FRMD4A: variants seen among roughly 807,000 people sequenced by gnomAD.
The protein encoded by FRMD4A is FERM domain-containing protein 4A.
Under a neutral mutation model 129.1 loss-of-function variants are expected in FRMD4A, and 29 were observed. The ratio of observed to expected loss-of-function variants is 0.22; its 90% CI spans 0.17 to 0.31. The LOEUF is 0.31. FRMD4A is among the 10% of genes least tolerant of loss of function. The pLI is 1.00. For synonymous variants in FRMD4A, 634 were observed against 571.6 expected, an observed-to-expected ratio of 1.11 and a Z score of -1.56; for missense variants, 1,272 against 1,375.8, an observed-to-expected ratio of 0.92 and a Z score of 1.19.
intron 2 of FRMD4A, among the ~76,000 whole-genome samples, chr10:13,941,595 G>A (rs971178030): frequency 2.6e-5 from 4 of 152,204 alleles, no homozygotes; most frequent in African/African-American, 9.6e-5. Context: ...GTTAACTAGA[G>A]GAGCTTTGGT....
At chr10:14,074,108 CA>C (rs199821505) in intron 2 of FRMD4A, among the ~76,000 whole-genome samples, 1 of 152,136 alleles carries the variant, frequency 6.6e-6, no homozygotes, top group Non-Finnish European at 1.5e-5. Flanking sequence ...AAGATAGTCT[CA>C]AAAAAAATTT....
At chr10:13,915,628 C>T (rs1053403889) in intron 2 of FRMD4A, among the ~76,000 whole-genome samples, 8 of 150,220 alleles carry the variant, frequency 5.3e-5, no homozygotes, top group African/African-American at 1.5e-4. Context: ...GCCGAGATCA[C>T]GCCACTGCAC....
At chr10:14,276,511 G>T (rs1845346601) in intron 2 of FRMD4A, among the ~76,000 whole-genome samples, 1 of 152,216 alleles carries the variant, frequency 6.6e-6, no homozygotes, top group South Asian at 2.1e-4. Context: ...CCCCAGTCAT[G>T]TGGCCTTTTG....
intron 2 of FRMD4A, among the ~76,000 whole-genome samples, chr10:14,240,625 A>G (rs771844990): frequency 1.3e-5 from 2 of 152,132 alleles, no homozygotes; most frequent in African/African-American, 2.4e-5. Context: ...CTTCCCTTGT[A>G]CCTGCATAAC....
intron 2 of FRMD4A, among the ~76,000 whole-genome samples, chr10:13,995,783 T>C (rs1220562484): frequency 6.6e-6 from 1 of 151,870 alleles, no homozygotes; most frequent in Non-Finnish European, 1.5e-5. Flanking sequence ...GTTGTTGATT[T>C]CAAATCGACA....
rs3032918 is a variant in FRMD4A, at chr10:13,881,252, T to TAAA, written c.46-22343_46-22341dup. Among the ~76,000 whole-genome samples, 608 of 120,290 alleles carry TAAA rather than the reference T, an allele frequency of 5.1e-3. 2 individuals carry two copies. Among genetic ancestry groups the TAAA allele is most frequent in the African/African-American group, 0.018 (562 of 31,484 alleles). 78.9% of individuals were successfully genotyped at this position (120,290 alleles called of 152,430 possible). On this transcript the variant is annotated intron_variant, in intron 2 of 24. Transcript: ENST00000357447. ...GGCAATCTAGTGAGACCCCCATCTCTAAAAAAAAAAAAAAAAAAAAATTAG... is the reference window on the plus strand; with the variant it reads ...GGCAATCTAGTGAGACCCCCATCTCTAAAAAAAAAAAAAAAAAAAAAAAATTAG...
Position 14,287,944 on chromosome 10 carries a change from C to T in FRMD4A, c.45+42114G>A, listed in dbSNP as rs145798959. 2.4e-4 allele frequency among the ~76,000 whole-genome samples: 37 copies of T among 152,128 alleles called. No individual in the cohort carries two copies. In the East Asian group the frequency reaches 6.6e-3, roughly 27 times the overall value. ...TCCAAAAATCTCAAAGTGGCTTACA[C>T]GCTAACCATATGAATTCTTCCTAGA... On this transcript the variant is annotated intron_variant, in intron 2 of 24. Transcript: ENST00000357447.
At chr10:14,247,759 A>T (rs1308324390) in intron 2 of FRMD4A, among the ~76,000 whole-genome samples, 1 of 152,186 alleles carries the variant, frequency 6.6e-6, no homozygotes, top group Non-Finnish European at 1.5e-5. Context: ...TGATTGTTGG[A>T]AGTCTCAGCC....
intron 2 of FRMD4A, among the ~76,000 whole-genome samples, chr10:13,939,849 C>T (rs141685279): frequency 3.3e-3 from 509 of 152,324 alleles, no homozygotes; most frequent in Admixed American, 5.6e-3. Context: ...TTTCCCATCT[C>T]ATCACCTTAG....
chr10:14,127,997 T>TTC (rs1488281896), intron 2 of FRMD4A, among the ~76,000 whole-genome samples: 10 of 118,798 alleles, frequency 8.4e-5, no homozygotes, highest in African/African-American at 3.9e-4. Context: ...TCTCTCTCTC[T>TTC]CTCTTTCTTT....
chr10:14,058,625 T>C (rs1834657485), intron 2 of FRMD4A, among the ~76,000 whole-genome samples: 1 of 152,160 alleles, frequency 6.6e-6, no homozygotes. Flanking sequence ...AGGCACAGAT[T>C]GGATTCTCAA....
At chr10:13,908,843 A>T (rs753625018) in intron 2 of FRMD4A, among the ~76,000 whole-genome samples, 4 of 152,248 alleles carry the variant, frequency 2.6e-5, no homozygotes, top group Non-Finnish European at 5.9e-5. Context: ...GTTCATGTGT[A>T]GTATAAGTAT....
intron 2 of FRMD4A, among the ~76,000 whole-genome samples, chr10:14,085,887 C>T (rs141464578): frequency 1.5e-4 from 23 of 152,242 alleles, no homozygotes; most frequent in Non-Finnish European, 3.2e-4. Flanking sequence ...TTCTGGACTG[C>T]GGCAGGCATA....
At chr10:13,666,962 A>C (rs1438789504) in intron 17 of FRMD4A, among the ~76,000 whole-genome samples, 1 of 135,382 alleles carries the variant, frequency 7.4e-6, no homozygotes, top group Non-Finnish European at 1.5e-5. Context: ...CCCAGGCTGG[A>C]GTGCACTGGT....
At chr10:13,830,377 G>A (rs915827475) in intron 3 of FRMD4A, among the ~76,000 whole-genome samples, 12 of 152,228 alleles carry the variant, frequency 7.9e-5, no homozygotes, top group Admixed American at 2.6e-4. Flanking sequence ...AGGCGACAGC[G>A]TTAGAACAAG....
At chr10:13,920,402 T>C (rs2095058294) in intron 2 of FRMD4A, among the ~76,000 whole-genome samples, 2 of 152,224 alleles carry the variant, frequency 1.3e-5, no homozygotes, top group Non-Finnish European at 2.9e-5. Flanking sequence ...ATCCTGCCTG[T>C]CTTCACCCAG....
intron 3 of FRMD4A, among the ~76,000 whole-genome samples, chr10:13,850,955 C>T (rs575741243): frequency 2.0e-5 from 3 of 152,348 alleles, no homozygotes; most frequent in Non-Finnish European, 4.4e-5. Flanking sequence ...TGGCTCATGC[C>T]TGTAATCCCA....
intron 2 of FRMD4A, among the ~76,000 whole-genome samples, chr10:13,974,416 G>T (rs151258333): frequency 6.6e-6 from 1 of 152,146 alleles, no homozygotes; most frequent in Non-Finnish European, 1.5e-5. Context: ...GCAGACGCCT[G>T]TCTCTGTGCC....
At chr10:13,966,205 T>C (rs1428390730) in intron 2 of FRMD4A, among the ~76,000 whole-genome samples, 2 of 152,096 alleles carry the variant, frequency 1.3e-5, no homozygotes, top group African/African-American at 4.8e-5. Flanking sequence ...GTATTTTTAG[T>C]AGAGACAGGG....
Sources: allele counts gnomAD v4.1 joint callset (sites outside exome capture counted in the v4.1 genomes callset), GRCh38; gene constraint gnomAD v4.1.1; transcripts MANE v1.5; gene names NCBI Gene and HGNC (gene_info 2026-07-23, HGNC 2026-07-21).